PMS1: variants seen among roughly 807,000 people sequenced by gnomAD.
The protein encoded by PMS1 is PMS1 protein homolog 1.
PMS1 carries 79 observed loss-of-function variants against 93.1 expected under a neutral mutation model. The observed-to-expected ratio is 0.85, with a 90% CI of 0.71 to 1.02. The LOEUF (loss-of-function observed/expected upper bound fraction) is 1.02, where lower values mean the gene tolerates loss of function less well. PMS1 is among the 50% of genes least tolerant of loss of function. PMS1 has a pLI of 0.00. For synonymous variants in PMS1, 335 were observed against 363.4 expected, an observed-to-expected ratio of 0.92 and a Z score of 0.89; for missense variants, 1,064 against 1,085.3, an observed-to-expected ratio of 0.98 and a Z score of 0.28.
rs764765315 is a variant in PMS1 at position 189,854,701 on chromosome 2, G to C, written c.1429G>C (p.Glu477Gln). The change falls in exon 9 of 13, where the codon GAG (glutamate) becomes CAG (glutamine). Residue 477 changes from glutamate (E) to glutamine (Q), a missense_variant. Glu to Gln is a conservative substitution (Grantham distance 29). Transcript: ENST00000441310. ...SENGNKDHID[E>Q]SGENEEEAGL... Reference sequence around the variant, plus strand: ...AAATGGCAATAAAGACCATATAGATGAGAGTGGGGAAAATGAGGAAGAAGC... The same window carrying C: ...AAATGGCAATAAAGACCATATAGATCAGAGTGGGGAAAATGAGGAAGAAGC... The C allele has an allele frequency of 6.2e-7, 1 of 1,613,908 alleles. No homozygotes were observed. Among genetic ancestry groups the C allele is most frequent in the Non-Finnish European group, 8.5e-7 (1 of 1,179,866 alleles).
chr2:189,857,014 T>C (rs146896287), intron 9 of PMS1, among the ~76,000 whole-genome samples: 1 of 152,228 alleles, frequency 6.6e-6, no homozygotes, highest in East Asian at 1.9e-4. Flanking sequence ...CCTCTGAAGC[T>C]TCACCTGGAT....
At chr2:189,871,303 C>G (rs115141925) in intron 11 of PMS1, among the ~76,000 whole-genome samples, 1,543 of 151,952 alleles carry the variant, frequency 0.01, 23 homozygotes, top group African/African-American at 0.035. Context: ...CTAATAATAG[C>G]TCATGAGCTT....
At chr2:189,837,434 T>C (rs1233251) in intron 5 of PMS1, among the ~76,000 whole-genome samples, 2,684 of 152,320 alleles carry the variant, frequency 0.018, 75 homozygotes, top group African/African-American at 0.061. Flanking sequence ...AAGGAACTTC[T>C]GATGTGGAAA....
intron 5 of PMS1, among the ~76,000 whole-genome samples, chr2:189,832,612 C>T (rs536811936): frequency 2.0e-5 from 3 of 152,164 alleles, no homozygotes; most frequent in African/African-American, 4.8e-5. Context: ...ACTACAGGCG[C>T]GTGCCACCAT....
chr2:189,843,519 A>G (rs954477498), intron 5 of PMS1, among the ~76,000 whole-genome samples: 1 of 152,236 alleles, frequency 6.6e-6, no homozygotes, highest in African/African-American at 2.4e-5. Flanking sequence ...ATCCTGTAAC[A>G]TAGCTGATCA....
intron 4 of PMS1, among the ~76,000 whole-genome samples, chr2:189,817,256 C>G (rs562005182): frequency 4.6e-5 from 7 of 152,328 alleles, no homozygotes; most frequent in South Asian, 4.1e-4. Flanking sequence ...TAATGATTCT[C>G]TACTCTGACT....
At chr2:189,805,588 CT>C (rs2050262401) in intron 3 of PMS1, 63 bp from the exon 4 acceptor site, 1 of 1,243,506 alleles carries the variant, frequency 8.0e-7, no homozygotes. Context: ...CATTTCAAAT[CT>C]TTGATAATGA....
At chr2:189,809,971 A>G (rs2050692943) in intron 4 of PMS1, among the ~76,000 whole-genome samples, 1 of 152,188 alleles carries the variant, frequency 6.6e-6, no homozygotes, top group Non-Finnish European at 1.5e-5. Flanking sequence ...TTTTACTTTC[A>G]TATACACATT....
chr2:189,796,683 T>C (rs191688623), intron 3 of PMS1, among the ~76,000 whole-genome samples: 1 of 152,368 alleles, frequency 6.6e-6, no homozygotes, highest in East Asian at 1.9e-4. Context: ...ATCCATGTTG[T>C]AACATGCATC....
intron 5 of PMS1, among the ~76,000 whole-genome samples, chr2:189,822,681 G>GGAAA (rs1334152829): frequency 1.3e-5 from 2 of 152,164 alleles, no homozygotes; most frequent in African/African-American, 4.8e-5. Flanking sequence ...TGAATGCAGA[G>GGAAA]GAAAGCAGCT....
chr2:189,792,462 C>A (rs1375539739), intron 2 of PMS1, among the ~76,000 whole-genome samples: 1 of 151,862 alleles, frequency 6.6e-6, no homozygotes, highest in Non-Finnish European at 1.5e-5. Flanking sequence ...TTTGTGTCCT[C>A]TGTACCTGGC....
chr2:189,797,524 G>T (rs979312331), intron 3 of PMS1, among the ~76,000 whole-genome samples: 2 of 152,122 alleles, frequency 1.3e-5, no homozygotes, highest in African/African-American at 2.4e-5. Flanking sequence ...CTCTTATTGT[G>T]TGACAGTATC....
At chr2:189,877,080 A>C (rs1486822409) in intron 12 of PMS1, among the ~76,000 whole-genome samples, 192 bp from the exon 13 acceptor site, 1 of 152,204 alleles carries the variant, frequency 6.6e-6, no homozygotes, top group East Asian at 1.9e-4. Flanking sequence ...TAAATTGCAC[A>C]AGAGCAAGTC....
intron 1 of PMS1, among the ~76,000 whole-genome samples, chr2:189,789,534 C>G (rs2048657372): frequency 1.3e-5 from 2 of 152,104 alleles, no homozygotes; most frequent in African/African-American, 4.8e-5. Context: ...CTCTCAGAAC[C>G]CAATATGTCG....
chr2:189,845,989 G>A (rs1169778233), intron 6 of PMS1, among the ~76,000 whole-genome samples: 2 of 152,024 alleles, frequency 1.3e-5, no homozygotes, highest in East Asian at 3.9e-4. Flanking sequence ...CTCCCAAAGT[G>A]CTAGGATTAC....
Position 189,871,142 on chromosome 2 carries a change from C to T in PMS1, c.2474-2354C>T, listed in dbSNP as rs189326487. The stretch of plus-strand genomic sequence containing the variant: ...TGATTTGCTGCTTAGGAACTTCTTT[C>T]GCTAGATAGTGAAATTAAATAGTGA... On this transcript the variant is annotated intron_variant, in intron 11 of 12. Coordinates refer to ENST00000441310, the MANE Select transcript of PMS1 (RefSeq NM_000534.5). Among the ~76,000 whole-genome samples the T allele has an allele frequency of 1.4e-3, 210 of 152,268 alleles. 2 individuals are homozygous for T. Among genetic ancestry groups the T allele is most frequent in the African/African-American group, 4.7e-3 (196 of 41,546 alleles).
chr2:189,856,986 A>C (rs2055401402), intron 9 of PMS1, among the ~76,000 whole-genome samples: 1 of 152,110 alleles, frequency 6.6e-6, no homozygotes, highest in Non-Finnish European at 1.5e-5. Flanking sequence ...TAGACAAAAG[A>C]GGCTTTGATG....
chr2:189,853,903 AT>A (rs2055049324), intron 7 of PMS1, 35 bp from the exon 8 acceptor site: 1 of 1,299,552 alleles, frequency 7.7e-7, no homozygotes, highest in Non-Finnish European at 1.1e-6. Flanking sequence ...TTAATTACAT[AT>A]TATTTTTTCT....
chr2:189,871,040 G>T (rs555627564), intron 11 of PMS1, among the ~76,000 whole-genome samples: 1 of 152,116 alleles, frequency 6.6e-6, no homozygotes, highest in Non-Finnish European at 1.5e-5. Flanking sequence ...TAGTGCCAGC[G>T]TCTGCTTTCC....
Sources: allele counts gnomAD v4.1 joint callset (sites outside exome capture counted in the v4.1 genomes callset), GRCh38; gene constraint gnomAD v4.1.1; transcripts MANE v1.5; gene names NCBI Gene and HGNC (gene_info 2026-07-23, HGNC 2026-07-21).